The following FMNL2 variants were observed in gnomAD, a reference collection of about 807,000 sequenced individuals.
The protein encoded by FMNL2 is formin like 2, also known as formin-like protein 2.
FMNL2 carries 51 observed loss-of-function variants against 130.2 expected under a neutral mutation model. The ratio of observed to expected loss-of-function variants is 0.39; its 90% CI spans 0.31 to 0.49. The LOEUF is 0.49. Ranked by LOEUF, FMNL2 falls within the 20% of genes least tolerant of loss-of-function variation. The pLI, the probability that FMNL2 is intolerant of heterozygous loss-of-function variation, is 0.85. For missense variants in FMNL2, 977 were observed against 1,316.2 expected (o/e 0.74, Z 3.99); for synonymous variants, 465 against 467.1 (o/e 1.00, Z 0.06).
At chr2:152,462,027 C>T (rs13412508) in intron 1 of FMNL2, among the ~76,000 whole-genome samples, 17 of 152,108 alleles carry the variant, frequency 1.1e-4, no homozygotes, top group South Asian at 4.1e-4. Context: ...TCCCAAGTAA[C>T]TGGGACTAGA....
At chr2:152,518,060 C>T (rs897849978) in intron 1 of FMNL2, among the ~76,000 whole-genome samples, 1 of 152,212 alleles carries the variant, frequency 6.6e-6, no homozygotes, top group African/African-American at 2.4e-5. Flanking sequence ...TTTCCTCACA[C>T]AGTAACTTGG....
At chr2:152,384,464 T>A (rs1192074443) in intron 1 of FMNL2, among the ~76,000 whole-genome samples, 1 of 152,126 alleles carries the variant, frequency 6.6e-6, no homozygotes, top group Non-Finnish European at 1.5e-5. Context: ...TGACTGTGGG[T>A]AGAACTCAGC....
chr2:152,481,586 AG>A (rs1349470431), intron 1 of FMNL2, among the ~76,000 whole-genome samples: 1 of 152,236 alleles, frequency 6.6e-6, no homozygotes, highest in African/African-American at 2.4e-5. Flanking sequence ...AAAGCCTCCC[AG>A]GTGAGTCTAA....
At chr2:152,396,290 C>G (rs1282382025) in intron 1 of FMNL2, among the ~76,000 whole-genome samples, 2 of 152,290 alleles carry the variant, frequency 1.3e-5, no homozygotes, top group Middle Eastern at 3.4e-3. Context: ...CCTTAGAAGT[C>G]ATATACTATA....
At position 152,557,127 on chromosome 2, in the gene FMNL2, C is replaced by T. The variant is rs116107967; in HGVS notation, c.360-1613C>T. Among the ~76,000 whole-genome samples the T allele has an allele frequency of 9.1e-3, 1,384 of 152,030 alleles. 22 individuals are homozygous for T. The highest frequency in any genetic ancestry group is 0.03 in the African/African-American group (1,256 of 41,472). On this transcript the variant is annotated intron_variant, in intron 4 of 25. Transcript: ENST00000288670. ...AAGCTTCTAATTACTAGTATTTAAACGTGATCAGTGTCTCCTGAGACCTAG... is the reference window on the plus strand; with the variant it reads ...AAGCTTCTAATTACTAGTATTTAAATGTGATCAGTGTCTCCTGAGACCTAG...
Position 152,640,069 on chromosome 2 carries a change from G to C in FMNL2, c.3045+13G>C. On this transcript the variant is annotated intron_variant, in intron 24 of 25. Coordinates refer to ENST00000288670, the MANE Select transcript of FMNL2 (RefSeq NM_052905.4). The stretch of plus-strand genomic sequence containing the variant: ...GCAGGATCCAAAGGTAAGAAGTGCC[G>C]CACTCATGAGACAGGTCCGTGAGGA... 2 of 1,540,620 alleles carry C rather than the reference G, an allele frequency of 1.3e-6. No individual in the cohort carries two copies. The highest frequency in any genetic ancestry group is 2.4e-5 in the South Asian group (2 of 82,022).
chr2:152,372,191 A>G lies in FMNL2; in HGVS notation c.117+36471A>G, dbSNP rs532336427. 9.2e-5 allele frequency among the ~76,000 whole-genome samples: 14 copies of G among 152,346 alleles called. No homozygotes were observed. In the South Asian group the frequency reaches 2.9e-3, roughly 32 times the overall value. ...AGGTATTTTAGTCGATATAAATACAAGTACTATTTGGCATGCATTATTAGC... is the reference window on the plus strand; with the variant it reads ...AGGTATTTTAGTCGATATAAATACAGGTACTATTTGGCATGCATTATTAGC... On this transcript the variant is annotated intron_variant, in intron 1 of 25. Transcript: ENST00000288670.
chr2:152,339,547 G>A (rs891737992), intron 1 of FMNL2, among the ~76,000 whole-genome samples: 1 of 152,146 alleles, frequency 6.6e-6, no homozygotes, highest in African/African-American at 2.4e-5. Context: ...TTCTTTTGTT[G>A]AGTTTCAGAG....
At chr2:152,354,860 A>T (rs1682697696) in intron 1 of FMNL2, among the ~76,000 whole-genome samples, 1 of 152,170 alleles carries the variant, frequency 6.6e-6, no homozygotes, top group Non-Finnish European at 1.5e-5. Flanking sequence ...CTTAAATTGC[A>T]TGGGCGGAAG....
At chr2:152,516,609 C>T (rs1213234573) in intron 1 of FMNL2, among the ~76,000 whole-genome samples, 2 of 152,138 alleles carry the variant, frequency 1.3e-5, no homozygotes, top group African/African-American at 2.4e-5. Context: ...CAATTTCCCT[C>T]CTGTGTGTCT....
intron 1 of FMNL2, among the ~76,000 whole-genome samples, chr2:152,514,357 C>T (rs1579853887): frequency 6.6e-6 from 1 of 152,306 alleles, no homozygotes; most frequent in Middle Eastern, 3.4e-3. Flanking sequence ...AACTTGGTCT[C>T]ACGCTACCCA....
chr2:152,521,862 AT>A, intron 1 of FMNL2, 80 bp from the exon 2 acceptor site: 4 of 1,046,564 alleles, frequency 3.8e-6, no homozygotes, highest in Non-Finnish European at 5.9e-6. Context: ...TAGTGGTATT[AT>A]TTGGTCTGCC....
chr2:152,539,632 A>G (rs1241160041), intron 2 of FMNL2, among the ~76,000 whole-genome samples: 2 of 152,266 alleles, frequency 1.3e-5, no homozygotes, highest in Non-Finnish European at 2.9e-5. Context: ...CTAAATAAGC[A>G]TATTTGAAAA....
At chr2:152,622,705 G>T (rs1268312197) in intron 15 of FMNL2, 4 of 442,618 alleles carry the variant, frequency 9.0e-6, no homozygotes, top group Admixed American at 2.4e-5. Context: ...GGCTGATGAT[G>T]ATTCCAGGTT....
At chr2:152,374,463 G>T (rs968913025) in intron 1 of FMNL2, among the ~76,000 whole-genome samples, 36 of 152,100 alleles carry the variant, frequency 2.4e-4, no homozygotes, top group African/African-American at 8.0e-4. Flanking sequence ...TGCTAATCTT[G>T]TGTCAGTTGT....
chr2:152,593,902 T>TGTGTGTGAGAGA lies in FMNL2; in HGVS notation c.876+12854_876+12855insTGTGTGAGAGAG, dbSNP rs1296082394. Among the ~76,000 whole-genome samples the TGTGTGTGAGAGA allele has an allele frequency of 1.7e-4, 14 of 81,634 alleles. No individual in the cohort carries two copies. In the East Asian group the frequency reaches 4.9e-3, roughly 29 times the overall value. The allele number at this position is 81,634 out of a possible 152,430, so 53.6% of individuals were successfully genotyped here. A position where few individuals can be genotyped will look rare whatever the true frequency, so the allele number is the denominator to read the frequency against. ...GTGTGTGTGTGTGTGTGTGTGTGTG[T>TGTGTGTGAGAGA]GAGAGAGAGAGAGAGAGAGAGAGAG... On this transcript the variant is annotated intron_variant, in intron 9 of 25. Coordinates refer to ENST00000288670, the MANE Select transcript of FMNL2 (RefSeq NM_052905.4).
intron 1 of FMNL2, among the ~76,000 whole-genome samples, chr2:152,457,133 A>G (rs1689002589): frequency 6.6e-6 from 1 of 152,120 alleles, no homozygotes; most frequent in Admixed American, 6.5e-5. Context: ...GACAAGAAGT[A>G]AAGAAAGTTA....
chr2:152,371,960 C>T (rs1375802598), intron 1 of FMNL2, among the ~76,000 whole-genome samples: 1 of 152,128 alleles, frequency 6.6e-6, no homozygotes, highest in Non-Finnish European at 1.5e-5. Context: ...TCCCAGCCTC[C>T]ATAACTACAA....
intron 1 of FMNL2, among the ~76,000 whole-genome samples, chr2:152,392,448 T>G (rs1248658519): frequency 2.0e-5 from 3 of 152,182 alleles, no homozygotes; most frequent in African/African-American, 7.2e-5. Flanking sequence ...TACTTGAGAC[T>G]GGGTAATTTA....
Sources: gnomAD v4.1 joint callset for allele counts (sites outside exome capture counted in the v4.1 genomes callset) on GRCh38, gnomAD v4.1.1 for gene constraint, MANE v1.5 for transcripts, NCBI Gene and HGNC (gene_info 2026-07-23, HGNC 2026-07-21) for gene names.